The following ARHGAP36 variants were observed in gnomAD, a reference collection of about 807,000 sequenced individuals.
ARHGAP36 encodes the protein rho GTPase-activating protein 36.
Under a neutral mutation model 32.9 loss-of-function variants are expected in ARHGAP36, and 7 were observed. That is an observed-to-expected ratio of 0.21 (90% confidence interval 0.12 to 0.40). ARHGAP36 has a LOEUF of 0.40. ARHGAP36 is among the 10% of genes least tolerant of loss of function. The probability of loss-of-function intolerance (pLI) is 1.00; values close to 1 mark genes in which losing one functional copy is unlikely to be tolerated. For synonymous variants in ARHGAP36, 165 were observed against 168.3 expected (o/e 0.98, Z 0.15); for missense variants, 383 against 442.2 (o/e 0.87, Z 1.20).
chrX:131,061,242 A>G lies in ARHGAP36; in HGVS notation c.-143+2798A>G, dbSNP rs767361198. 4.5e-5 allele frequency among the ~76,000 whole-genome samples: 5 copies of G among 110,584 alleles called. No homozygotes were observed. In the South Asian group the frequency reaches 2.0e-3, roughly 43 times the overall value. The stretch of plus-strand genomic sequence containing the variant: ...CTCTTTTTTAAAAAAATTTACTTTA[A>G]GTTCTGGGATACATGTGCAGAACGT... On this transcript the variant is annotated intron_variant, in intron 1 of 11. Transcript: ENST00000276211.
chrX:131,069,823 A>G (rs1397877188), intron 1 of ARHGAP36, among the ~76,000 whole-genome samples: 3 of 111,720 alleles, frequency 2.7e-5, no homozygotes, highest in Admixed American at 9.4e-5. Context: ...ACTCACCTCC[A>G]CTTGTATTCT....
At position 131,089,414 on chromosome X, in the gene ARHGAP36, C is replaced by G. The variant is rs1231665971; in HGVS notation, c.*629C>G. On this transcript the variant is annotated 3_prime_UTR_variant, in exon 12 of 12. Coordinates refer to ENST00000276211, the MANE Select transcript of ARHGAP36 (RefSeq NM_144967.4). ...TCCCAAAATTCTGTACAGTTTTGCT[C>G]AGGTCACGCCAACAGGGAAACCTCA... The G allele has an allele frequency of 8.9e-6, 1 of 112,960 alleles. No homozygotes were observed. The highest frequency in any genetic ancestry group is 3.2e-5 in the African/African-American group (1 of 31,056). The allele number at this position is 112,960 out of a possible 1,213,427, so 9.3% of individuals were successfully genotyped here.
At chrX:131,073,558 G>T (rs750925124) in intron 1 of ARHGAP36, among the ~76,000 whole-genome samples, 1 of 113,209 alleles carries the variant, frequency 8.8e-6, no homozygotes, top group Non-Finnish European at 1.9e-5. Context: ...CTCTTCAACT[G>T]CGAATAGCAG....
intron 1 of ARHGAP36, among the ~76,000 whole-genome samples, chrX:131,071,217 A>AG (rs1180595730): frequency 9.1e-6 from 1 of 110,115 alleles, no homozygotes. Flanking sequence ...ACAGAGAAAG[A>AG]GGGGATGCCA....
At position 131,085,728 on chromosome X, in the gene ARHGAP36, G is replaced by A; in HGVS notation, c.1096G>A (p.Gly366Arg). The change falls in exon 8 of 12, where the codon GGA (glycine) becomes AGA (arginine). Residue 366 changes from glycine to arginine, a missense_variant. Physicochemically the swap from Gly to Arg is moderately radical, Grantham distance 125 (BLOSUM62 -2). Coordinates refer to ENST00000276211, the MANE Select transcript of ARHGAP36 (RefSeq NM_144967.4). Reference sequence around the variant, plus strand: ...CTGCGAGGACTCAATTGGCATTGATGGACAGTTGGTAAAAAGATCTTGGAA... The same window carrying A: ...CTGCGAGGACTCAATTGGCATTGATAGACAGTTGGTAAAAAGATCTTGGAA... ...ENCEDSIGID[G>R]QLVPGNRMTS... 1 of 1,210,863 alleles carries A rather than the reference G, an allele frequency of 8.3e-7. No individual in the cohort carries two copies.
At chrX:131,083,678 G>C in intron 3 of ARHGAP36, 56 bp from the exon 4 acceptor site, 1 of 1,140,553 alleles carries the variant, frequency 8.8e-7, no homozygotes, top group Non-Finnish European at 1.2e-6. Context: ...GCTTCCTCCT[G>C]ATTTAAGCGC....
intron 1 of ARHGAP36, among the ~76,000 whole-genome samples, chrX:131,074,563 G>A (rs2148639151): frequency 8.9e-6 from 1 of 111,847 alleles, no homozygotes; most frequent in South Asian, 3.8e-4. Context: ...TAGCTGACTA[G>A]GGATCTGTCC....
Position 131,088,787 on chromosome X carries a change from T to A in ARHGAP36, c.*2T>A. On this transcript the variant is annotated 3_prime_UTR_variant, in exon 12 of 12. Transcript: ENST00000276211. The stretch of plus-strand genomic sequence containing the variant: ...GGCGTCAGCTACTTCTTTCCTTAGA[T>A]GTTTTTCCTTCTATAAGGTGCCAGA... 7.5e-6 allele frequency: 9 copies of A among 1,203,094 alleles called. No individual in the cohort carries two copies. Among genetic ancestry groups the A allele is most frequent in the East Asian group, 3.0e-5 (1 of 33,701 alleles).
At chrX:131,084,479 G>C (rs1464053774) in intron 5 of ARHGAP36, 72 bp downstream of exon 5, 12 of 1,145,769 alleles carry the variant, frequency 1.0e-5, no homozygotes, top group Non-Finnish European at 1.4e-5. Context: ...GAAATGGGGG[G>C]AGAAAAGAGG....
intron 1 of ARHGAP36, among the ~76,000 whole-genome samples, chrX:131,066,452 C>T (rs1005722259): frequency 1.8e-5 from 2 of 111,921 alleles, no homozygotes; most frequent in Non-Finnish European, 3.8e-5. Flanking sequence ...GCTCCCAGAA[C>T]TGGAGCTAGT....
intron 1 of ARHGAP36, among the ~76,000 whole-genome samples, chrX:131,068,682 AC>A (rs926381540): frequency 1.1e-3 from 4 of 3,764 alleles, no homozygotes; most frequent in African/African-American, 3.0e-3. Flanking sequence ...ACCCGCCCCC[AC>A]CCCCCGAGCC....
Position 131,058,346 on chromosome X carries a change from G to A in ARHGAP36, c.-241G>A. The A allele has an allele frequency of 1.8e-6, 2 of 1,120,607 alleles. No homozygotes were observed. The highest frequency in any genetic ancestry group is 2.4e-6 in the Non-Finnish European group (2 of 849,237). The allele number at this position is 1,120,607 out of a possible 1,213,427, so 92.4% of individuals were successfully genotyped here. On this transcript the variant is annotated 5_prime_UTR_variant, in exon 1 of 12. Transcript: ENST00000276211. ...TAGGGCCGCCGGTGCGGGGGACGAC[G>A]CAAAGGTTAACTGCGAGCTGCCGGG...
intron 1 of ARHGAP36, among the ~76,000 whole-genome samples, chrX:131,080,444 T>A (rs1176991461): frequency 9.0e-6 from 1 of 111,640 alleles, no homozygotes; most frequent in Non-Finnish European, 1.9e-5. Context: ...ATCCTTTCAA[T>A]CTTTAGCGCC....
chrX:131,069,100 C>T (rs2079718347), intron 1 of ARHGAP36, among the ~76,000 whole-genome samples: 1 of 112,038 alleles, frequency 8.9e-6, no homozygotes. Flanking sequence ...GAGTCGCTAA[C>T]GGTGCTTTGC....
At chrX:131,065,028 AGTGTGTGTGTGTTT>A (rs1208726475) in intron 1 of ARHGAP36, among the ~76,000 whole-genome samples, 1 of 59,091 alleles carries the variant, frequency 1.7e-5, no homozygotes, top group African/African-American at 6.6e-5. Flanking sequence ...GCTCCAAGGA[AGTGTGTGTGTGTTT>A]GTGTGTGTGT....
At chrX:131,073,232 G>T (rs772684906) in intron 1 of ARHGAP36, among the ~76,000 whole-genome samples, 4 of 113,112 alleles carry the variant, frequency 3.5e-5, no homozygotes, top group Non-Finnish European at 7.5e-5. Context: ...AGCAGTGAGT[G>T]GTTTCCGCGC....
At chrX:131,063,632 C>T (rs907236430) in intron 1 of ARHGAP36, among the ~76,000 whole-genome samples, 16 of 110,657 alleles carry the variant, frequency 1.4e-4, no homozygotes, top group African/African-American at 5.3e-4. Context: ...TAGGGGTGGA[C>T]CTCTCAGAGC....
intron 1 of ARHGAP36, among the ~76,000 whole-genome samples, chrX:131,063,481 A>T (rs2079680326): frequency 9.0e-6 from 1 of 111,337 alleles, no homozygotes; most frequent in Non-Finnish European, 1.9e-5. Context: ...GGAGCTGGAG[A>T]AGTTTTTCGA....
At chrX:131,064,363 G>GA (rs1301970122) in intron 1 of ARHGAP36, among the ~76,000 whole-genome samples, 1 of 111,716 alleles carries the variant, frequency 9.0e-6, no homozygotes, top group Admixed American at 9.5e-5. Context: ...CCTAAAAGAA[G>GA]AGGGACTATT....
Sources: gnomAD v4.1 joint callset for allele counts (sites outside exome capture counted in the v4.1 genomes callset) on GRCh38, gnomAD v4.1.1 for gene constraint, MANE v1.5 for transcripts, NCBI Gene and HGNC (gene_info 2026-07-23, HGNC 2026-07-21) for gene names.